LINC00632: variants seen among roughly 807,000 people sequenced by gnomAD.
LINC00632 encodes the protein ALDOA related specific transcript.
At chrX:140,712,667 C>A (rs1293807192) in intron 2 of LINC00632, among the ~76,000 whole-genome samples, 1 of 110,823 alleles carries the variant, frequency 9.0e-6, no homozygotes, top group African/African-American at 3.3e-5. Context: ...CCTCTTTTCA[C>A]TGCAGGTGTA....
chrX:140,789,800 G>C (rs1213038986), exon 5 of LINC00632, among the ~76,000 whole-genome samples: 1 of 110,670 alleles, frequency 9.0e-6, no homozygotes, highest in African/African-American at 3.3e-5. Context: ...TGTGTCATTT[G>C]TCTTTTTTTA....
exon 5 of LINC00632, among the ~76,000 whole-genome samples, chrX:140,789,097 A>G (rs1312230841): frequency 9.2e-6 from 1 of 108,837 alleles, no homozygotes; most frequent in Non-Finnish European, 1.9e-5. Flanking sequence ...CCTTCCTCAT[A>G]CTTTTTTTAT....
intron 2 of LINC00632, among the ~76,000 whole-genome samples, chrX:140,720,668 T>C (rs1008220311): frequency 2.7e-5 from 3 of 112,197 alleles, no homozygotes; most frequent in South Asian, 3.7e-4. Flanking sequence ...CAACATTGTA[T>C]GTATTATCGG....
intron 3 of LINC00632, among the ~76,000 whole-genome samples, chrX:140,759,289 T>TTTCTTTCC (rs1358431074): frequency 1.1e-3 from 84 of 79,583 alleles, no homozygotes; most frequent in African/African-American, 4.2e-3. Flanking sequence ...TCTTTCTTTC[T>TTTCTTTCC]TTCCTTCCTT....
At chrX:140,771,677 A>ATTTTTTTTTTTTTTTTTTTT (rs762752921) in intron 3 of LINC00632, among the ~76,000 whole-genome samples, 1 of 56,296 alleles carries the variant, frequency 1.8e-5, no homozygotes, top group African/African-American at 9.4e-5. Context: ...ATATATATAT[A>ATTTTTTTTTTTTTTTTTTTT]TATATATATT....
chrX:140,768,890 G>A (rs1236701193), intron 3 of LINC00632, among the ~76,000 whole-genome samples: 5 of 105,994 alleles, frequency 4.7e-5, no homozygotes, highest in Non-Finnish European at 7.7e-5. Flanking sequence ...CCTAGTTACT[G>A]CCTCTAAGGC....
chrX:140,726,091 C>T (rs905363123), intron 2 of LINC00632, among the ~76,000 whole-genome samples: 1 of 109,010 alleles, frequency 9.2e-6, no homozygotes, highest in Non-Finnish European at 1.9e-5. Context: ...ACTGCCAACA[C>T]TTGTCTCACA....
intron 3 of LINC00632, among the ~76,000 whole-genome samples, chrX:140,736,824 TAGG>T (rs1002618119): frequency 1.5e-4 from 17 of 110,618 alleles, no homozygotes; most frequent in African/African-American, 4.6e-4. Context: ...TTTTTGATAA[TAGG>T]AGGTAGAAAG....
chrX:140,723,592 TACACAGAC>T (rs1930794775), intron 2 of LINC00632, among the ~76,000 whole-genome samples: 1 of 1,285 alleles, frequency 7.8e-4, no homozygotes, highest in African/African-American at 2.4e-3. Context: ...ACACATTCCA[TACACAGAC>T]ACACATTCCA....
intron 3 of LINC00632, among the ~76,000 whole-genome samples, chrX:140,751,932 G>A (rs1931416160): frequency 9.0e-6 from 1 of 111,456 alleles, no homozygotes; most frequent in South Asian, 3.8e-4. Flanking sequence ...AAAAGGAAGA[G>A]AGATGTTTGC....
rs751848423 is a variant in LINC00632, at chrX:140,767,063, G to C, written n.192-5015G>C. Among the ~76,000 whole-genome samples, 7 of 111,578 alleles carry C rather than the reference G, an allele frequency of 6.3e-5. No individual in the cohort carries two copies. In the East Asian group the frequency reaches 2.0e-3, roughly 31 times the overall value. On this transcript the variant is annotated intron_variant and non_coding_transcript_variant, in intron 3 of 4. Transcript: ENST00000648200. ...TTTTATTTAACCAGAAGTTTCTTGT[G>C]TTAGGATGATTTTGAGCAGTTAAGA...
chrX:140,743,369 A>C (rs1293702090), intron 3 of LINC00632, among the ~76,000 whole-genome samples: 1 of 110,049 alleles, frequency 9.1e-6, no homozygotes, highest in Non-Finnish European at 1.9e-5. Context: ...AGTTTTGACA[A>C]ACTTCGACAC....
chrX:140,756,518 C>T (rs1931496468), intron 3 of LINC00632, among the ~76,000 whole-genome samples: 1 of 111,584 alleles, frequency 9.0e-6, no homozygotes, highest in Non-Finnish European at 1.9e-5. Context: ...GGAGCAGGAA[C>T]TTGCAAGTGT....
At chrX:140,767,792 G>C (rs1283265523) in intron 3 of LINC00632, among the ~76,000 whole-genome samples, 2 of 111,685 alleles carry the variant, frequency 1.8e-5, no homozygotes, top group Non-Finnish European at 3.8e-5. Flanking sequence ...CCAAGACTGA[G>C]GGACTGACAA....
chrX:140,784,272 G>C (rs773496872), exon 5 of LINC00632: 2 of 1,203,597 alleles, frequency 1.7e-6, no homozygotes, highest in Non-Finnish European at 2.2e-6. Flanking sequence ...TTCCAACAAA[G>C]GTACGTCTTC....
At chrX:140,724,294 C>T (rs893351355) in intron 2 of LINC00632, among the ~76,000 whole-genome samples, 33 of 96,935 alleles carry the variant, frequency 3.4e-4, no homozygotes, top group African/African-American at 1.3e-3. Flanking sequence ...ACATTCCATA[C>T]ACACACACAT....
intron 3 of LINC00632, among the ~76,000 whole-genome samples, chrX:140,769,572 T>G (rs1179984387): frequency 9.0e-6 from 1 of 111,052 alleles, no homozygotes; most frequent in Non-Finnish European, 1.9e-5. Flanking sequence ...TATCTGCTGT[T>G]TTATTCACTG....
rs911573662 is a variant in LINC00632 at position 140,790,979 on chromosome X, G to C, written n.18998G>C. Reference sequence around the variant, plus strand: ...ATTTGTCTTTTCCTTGCTAATGTTTGTATCTATTTTTTTTTCTTTTAGCAC... The same window carrying C: ...ATTTGTCTTTTCCTTGCTAATGTTTCTATCTATTTTTTTTTCTTTTAGCAC... On this transcript the variant is annotated non_coding_transcript_exon_variant, in exon 5 of 5. Transcript: ENST00000648200. Among the ~76,000 whole-genome samples, 4 of 111,074 alleles carry C rather than the reference G, an allele frequency of 3.6e-5. No homozygotes were observed. The Admixed American group carries it at 3.8e-4, about 11-fold the overall frequency.
chrX:140,734,759 CTTTTTT>C (rs145614025), intron 3 of LINC00632, among the ~76,000 whole-genome samples: 1 of 75,311 alleles, frequency 1.3e-5, no homozygotes, highest in Non-Finnish European at 2.4e-5. Context: ...GGAAATACAT[CTTTTTT>C]TTTTTTTTTT....
Sources: gnomAD v4.1 joint callset for allele counts (sites outside exome capture counted in the v4.1 genomes callset) on GRCh38, gnomAD v4.1.1 for gene constraint, MANE v1.5 for transcripts, NCBI Gene and HGNC (gene_info 2026-07-23, HGNC 2026-07-21) for gene names.